Variants in KIRREL3 observed in about 807,000 individuals in gnomAD.
KIRREL3 encodes kirre like nephrin family adhesion molecule 3.
In KIRREL3, 36 loss-of-function variants were observed where a neutral mutation model predicts 89.7. The ratio of observed to expected loss-of-function variants is 0.40; its 90% CI spans 0.31 to 0.53. KIRREL3 has a LOEUF of 0.53. Among genes scored for constraint, KIRREL3 ranks in the 20% least tolerant of loss-of-function variants. KIRREL3 has a pLI of 0.49. For synonymous variants in KIRREL3, 445 were observed against 441.4 expected, an observed-to-expected ratio of 1.01 and a Z score of -0.10; for missense variants, 864 against 1,056.6, an observed-to-expected ratio of 0.82 and a Z score of 2.53.
intron 2 of KIRREL3, among the ~76,000 whole-genome samples, chr11:126,542,853 A>G (rs929498908): frequency 1.3e-5 from 2 of 152,178 alleles, no homozygotes; most frequent in Non-Finnish European, 2.9e-5. Flanking sequence ...TGCTGACTAT[A>G]TATGTGTCCT....
intron 1 of KIRREL3, among the ~76,000 whole-genome samples, chr11:126,760,901 C>T (rs919871624): frequency 1.3e-5 from 2 of 152,218 alleles, no homozygotes; most frequent in Non-Finnish European, 2.9e-5. Context: ...AGTTGCAATG[C>T]ACATTTTAGG....
rs994352583 is a variant in KIRREL3, at chr11:126,877,957, A to G, written c.55+122498T>C. ...ATAGTCCAAGCTTCTCACTTCACCA[A>G]TGATGGGACCTAGAATCAAAGATAT... On this transcript the variant is annotated intron_variant, in intron 1 of 16. Coordinates refer to ENST00000525144, the MANE Select transcript of KIRREL3 (RefSeq NM_032531.4). The surrounding 1 kb of genome is among the most constrained non-coding windows in gnomAD (Gnocchi z 4.9). Among the ~76,000 whole-genome samples the G allele has an allele frequency of 3.3e-5, 5 of 152,210 alleles. No homozygotes were observed. Among genetic ancestry groups the G allele is most frequent in the African/African-American group, 1.2e-4 (5 of 41,450 alleles).
At chr11:126,444,480 C>T (rs1955710184) in intron 10 of KIRREL3, among the ~76,000 whole-genome samples, 3 of 152,240 alleles carry the variant, frequency 2.0e-5, no homozygotes, top group Admixed American at 2.0e-4. Context: ...CAAAAATTAG[C>T]TGGGCGTAGT....
At chr11:126,851,078 C>T (rs917382204) in intron 1 of KIRREL3, among the ~76,000 whole-genome samples, 1 of 152,186 alleles carries the variant, frequency 6.6e-6, no homozygotes, top group African/African-American at 2.4e-5. Flanking sequence ...CTTGAACTGT[C>T]CCTGGTGGGG....
intron 6 of KIRREL3, among the ~76,000 whole-genome samples, chr11:126,458,271 A>G (rs1375266033): frequency 6.6e-6 from 1 of 152,176 alleles, no homozygotes; most frequent in Admixed American, 6.5e-5. Flanking sequence ...TAAAGAAACC[A>G]GTTTCTCAGA....
At position 126,454,132 on chromosome 11, in the gene KIRREL3, G is replaced by A. The variant is rs1476732432; in HGVS notation, c.848+2217C>T. Among the ~76,000 whole-genome samples, 2 of 152,056 alleles carry A rather than the reference G, an allele frequency of 1.3e-5. No homozygotes were observed. Among genetic ancestry groups the A allele is most frequent in the Admixed American group, 6.5e-5 (1 of 15,270 alleles). On this transcript the variant is annotated intron_variant, in intron 7 of 16. Coordinates refer to ENST00000525144, the MANE Select transcript of KIRREL3 (RefSeq NM_032531.4). This position sits in a 1 kb window ranked among gnomAD's most constrained non-coding sequence, Gnocchi z 5.8. ...CAGCTGTTAACATTTTCTCACGCGT[G>A]CTTTGCGGAGACCTCTCCTCTCCTC... is the stretch of plus-strand genomic sequence containing the variant.
intron 1 of KIRREL3, among the ~76,000 whole-genome samples, chr11:126,884,969 A>C (rs1226674787): frequency 1.3e-5 from 2 of 152,224 alleles, no homozygotes; most frequent in Non-Finnish European, 2.9e-5. Flanking sequence ...ATGTTGAGTG[A>C]AAAGGCAATA....
At chr11:126,798,905 G>C (rs1442453998) in intron 1 of KIRREL3, among the ~76,000 whole-genome samples, 1 of 152,214 alleles carries the variant, frequency 6.6e-6, no homozygotes, top group Non-Finnish European at 1.5e-5. Flanking sequence ...TTCTGCATCT[G>C]CAAAACGAAG....
At chr11:126,873,427 G>A (rs561946064) in intron 1 of KIRREL3, among the ~76,000 whole-genome samples, 2 of 152,278 alleles carry the variant, frequency 1.3e-5, no homozygotes, top group East Asian at 1.9e-4. Context: ...ATTGGGGAGC[G>A]ATGCCGGGCT....
chr11:126,756,875 G>A (rs1949520064), intron 1 of KIRREL3, among the ~76,000 whole-genome samples: 1 of 152,196 alleles, frequency 6.6e-6, no homozygotes, highest in Non-Finnish European at 1.5e-5. Flanking sequence ...TTGTGGGTAA[G>A]CTGACTTGGG....
chr11:126,562,725 C>T lies in KIRREL3; in HGVS notation c.133+110G>A. ...AACCAAACTGGTCTTCCCACTGTCC[C>T]CTTCTGAGAGGTCCCAGGTTCTTAT... On this transcript the variant is annotated intron_variant, in intron 2 of 16. Coordinates refer to ENST00000525144, the MANE Select transcript of KIRREL3 (RefSeq NM_032531.4). This position sits in a 1 kb window ranked among gnomAD's most constrained non-coding sequence, Gnocchi z 4.7. 6 of 843,276 alleles carry T rather than the reference C, an allele frequency of 7.1e-6. No homozygotes were observed. The highest frequency in any genetic ancestry group is 1.2e-5 in the Non-Finnish European group (6 of 521,132). 52.2% of individuals were successfully genotyped at this position (843,276 alleles called of 1,614,324 possible).
intron 1 of KIRREL3, among the ~76,000 whole-genome samples, chr11:126,801,153 G>A (rs576295695): frequency 5.3e-5 from 8 of 152,138 alleles, no homozygotes; most frequent in Non-Finnish European, 1.2e-4. Flanking sequence ...TGCATAATTG[G>A]GAATTAATGA....
In KIRREL3 at chr11:126,973,723, A is replaced by G. The variant is rs545924199; in HGVS notation, c.55+26732T>C. ...TAAAACAAGAATAATAATACTTTTT[A>G]CAGAGTTTGGAAGAATTAAGAGTAA... On this transcript the variant is annotated intron_variant, in intron 1 of 16. Transcript: ENST00000525144. Among the ~76,000 whole-genome samples, 13 of 152,324 alleles carry G rather than the reference A, an allele frequency of 8.5e-5. No homozygotes were observed. In the South Asian group the frequency reaches 2.7e-3, roughly 32 times the overall value.
At chr11:126,839,073 G>A (rs1470742585) in intron 1 of KIRREL3, among the ~76,000 whole-genome samples, 2 of 152,344 alleles carry the variant, frequency 1.3e-5, no homozygotes, top group East Asian at 3.9e-4. Context: ...AGTATGTCAA[G>A]CCTCTAGCCA....
chr11:126,937,463 C>T lies in KIRREL3; in HGVS notation c.55+62992G>A, dbSNP rs376621788. On this transcript the variant is annotated intron_variant, in intron 1 of 16. Coordinates refer to ENST00000525144, the MANE Select transcript of KIRREL3 (RefSeq NM_032531.4). ...CTTGGTTGACAGGCCCCGTCATTAT[C>T]GCAGCTCCAGTCAAGGACACGTGAG... Among the ~76,000 whole-genome samples the T allele has an allele frequency of 2.8e-4, 43 of 152,336 alleles. No individual in the cohort carries two copies. The East Asian group carries it at 4.4e-3, about 16-fold the overall frequency.
At chr11:126,546,928 A>G (rs1268755321) in intron 2 of KIRREL3, among the ~76,000 whole-genome samples, 3 of 152,274 alleles carry the variant, frequency 2.0e-5, no homozygotes, top group Non-Finnish European at 2.9e-5. Context: ...TCAAAGTCAT[A>G]TACTGAGACA....
Position 126,809,259 on chromosome 11 carries a change from A to G in KIRREL3, c.55+191196T>C, listed in dbSNP as rs565297014. Among the ~76,000 whole-genome samples, 21 of 152,320 alleles carry G rather than the reference A, an allele frequency of 1.4e-4. No homozygotes were observed. The South Asian group carries it at 4.1e-3, about 30-fold the overall frequency. On this transcript the variant is annotated intron_variant, in intron 1 of 16. Transcript: ENST00000525144. The stretch of plus-strand genomic sequence containing the variant: ...AATGAAATTGGGCAGGAGTCTGAAG[A>G]GAAGATGGAATCTCCTCCGTGCTCT...
intron 1 of KIRREL3, among the ~76,000 whole-genome samples, chr11:126,596,247 C>G (rs533983538): frequency 1.3e-5 from 2 of 151,950 alleles, no homozygotes; most frequent in Non-Finnish European, 2.9e-5. Flanking sequence ...TGTTCACTGC[C>G]GCATCCTTAG....
In KIRREL3 at chr11:126,876,610, C is replaced by G. The variant is rs540883685; in HGVS notation, c.55+123845G>C. Among the ~76,000 whole-genome samples the G allele has an allele frequency of 6.6e-6, 1 of 151,742 alleles. No homozygotes were observed. Among genetic ancestry groups the G allele is most frequent in the African/African-American group, 2.4e-5 (1 of 41,354 alleles). ...TGGAGTGCAGCGGTGCGACCTTGGC[C>G]CACTGCAACCTCCACCTCCAGGGTT... is the stretch of plus-strand genomic sequence containing the variant. On this transcript the variant is annotated intron_variant, in intron 1 of 16. Coordinates refer to ENST00000525144, the MANE Select transcript of KIRREL3 (RefSeq NM_032531.4). This position sits in a 1 kb window ranked among gnomAD's most constrained non-coding sequence, Gnocchi z 4.1.
Sources: allele counts gnomAD v4.1 joint callset (sites outside exome capture counted in the v4.1 genomes callset), GRCh38; gene constraint gnomAD v4.1.1; non-coding constraint Gnocchi (gnomAD v3.1); transcripts MANE v1.5; gene names NCBI Gene and HGNC (gene_info 2026-07-23, HGNC 2026-07-21).